HAS3: variants seen among roughly 807,000 people sequenced by gnomAD.
HAS3 encodes the protein hyaluronan synthase 3, also known as HA synthase 3.
A neutral mutation model predicts 50.3 loss-of-function variants in HAS3; 27 were observed. That is an observed-to-expected ratio of 0.54 (90% CI 0.40 to 0.74). The LOEUF (loss-of-function observed/expected upper bound fraction) is 0.74. HAS3 is among the 30% of genes least tolerant of loss of function. The probability of loss-of-function intolerance (pLI) is 0.00; values close to 1 mark genes in which losing one functional copy is unlikely to be tolerated. For missense variants in HAS3, 517 were observed against 742.8 expected (o/e 0.70, Z 3.53); for synonymous variants, 339 against 310.9 (o/e 1.09, Z -0.95).
the HAS3 span, among the ~76,000 whole-genome samples, chr16:69,092,654 G>C: frequency 6.7e-6 from 1 of 149,986 alleles, no homozygotes; most frequent in African/African-American, 2.5e-5. Context: ...GAACACCTAT[G>C]TCAACTTAAG....
At position 69,107,603 on chromosome 16, in the gene HAS3, G is replaced by A; in HGVS notation, c.1-1793G>A. 1 of 985,466 alleles carries A rather than the reference G, an allele frequency of 1.0e-6. No individual in the cohort carries two copies. Among genetic ancestry groups the A allele is most frequent in the Non-Finnish European group, 1.2e-6 (1 of 829,932 alleles). 61.0% of individuals were successfully genotyped at this position (985,466 alleles called of 1,614,324 possible). On this transcript the variant is annotated intron_variant, in intron 1 of 3. Coordinates refer to ENST00000569188, the MANE Select transcript of HAS3 (RefSeq NM_001199280.2). This position sits in a 1 kb window ranked among gnomAD's most constrained non-coding sequence, Gnocchi z 5.5. Reference sequence around the variant, plus strand: ...CTCCGGCACTGCACCGAGGCGGGGCGCCAGCGCCCAGGTTGCTGGGCTGGC... The same window carrying A: ...CTCCGGCACTGCACCGAGGCGGGGCACCAGCGCCCAGGTTGCTGGGCTGGC...
At chr16:69,104,353 G>C (rs1048522464), upstream of HAS3, among the ~76,000 whole-genome samples, 1 of 149,660 alleles carries the variant, frequency 6.7e-6, no homozygotes, top group Non-Finnish European at 1.5e-5. Context: ...CTGGAGTACA[G>C]TGGCATAATC....
intron 3 of HAS3, among the ~76,000 whole-genome samples, chr16:69,113,843 A>G (rs1961091369): frequency 6.6e-6 from 1 of 152,166 alleles, no homozygotes; most frequent in South Asian, 2.1e-4. Flanking sequence ...GTGGTACAGC[A>G]AGTAGCTCCA....
In HAS3 at chr16:69,114,716, G is replaced by C; in HGVS notation, c.1112G>C (p.Trp371Ser). 3 of 1,614,126 alleles carry C rather than the reference G, an allele frequency of 1.9e-6. No individual in the cohort carries two copies. The highest frequency in any genetic ancestry group is 2.5e-6 in the Non-Finnish European group (3 of 1,180,028). Residue 371 changes from tryptophan to serine, a missense_variant, in exon 4 of 4, where the codon TGG (tryptophan) becomes TCG (serine). Transcript: ENST00000569188. The surrounding 1 kb of genome is among the most constrained non-coding windows in gnomAD (Gnocchi z 6.4). ...CGGGAGTGGCTCTACAACTCTCTGT[G>C]GTTCCATAAGCACCACCTCTGGATG... ...YFREWLYNSLWFHKHHLWMTY... is the reference protein window; with the variant it reads ...YFREWLYNSLSFHKHHLWMTY...
At chr16:69,103,002 CAT>C (rs1491174051), upstream of HAS3, among the ~76,000 whole-genome samples, 1,391 of 115,158 alleles carry the variant, frequency 0.012, 28 homozygotes, top group African/African-American at 0.045. Context: ...GTGGAGTGTG[CAT>C]GTGTGTGTGT....
rs973521337 is a variant in HAS3 at position 69,107,430 on chromosome 16, C to T, written c.-1+1643C>T. 2 of 985,424 alleles carry T rather than the reference C, an allele frequency of 2.0e-6. No individual in the cohort carries two copies. The highest frequency in any genetic ancestry group is 1.1e-4 in the East Asian group (1 of 8,820). The allele number at this position is 985,424 out of a possible 1,614,324, so 61.0% of individuals were successfully genotyped here. On this transcript the variant is annotated intron_variant, in intron 1 of 3. Coordinates refer to ENST00000569188, the MANE Select transcript of HAS3 (RefSeq NM_001199280.2). The surrounding 1 kb of genome is among the most constrained non-coding windows in gnomAD (Gnocchi z 5.5). The stretch of plus-strand genomic sequence containing the variant: ...AGCAGGGCCTGGTCCGACTGGGATC[C>T]CTTGGGTTTTCCGTTCCTTCCCGGT...
chr16:69,102,633 C>A (rs1597089484), upstream of HAS3, among the ~76,000 whole-genome samples: 1 of 152,330 alleles, frequency 6.6e-6, no homozygotes, highest in East Asian at 1.9e-4. Flanking sequence ...TTGGTACAGG[C>A]AGGGTGTTTG....
At position 69,114,669 on chromosome 16, in the gene HAS3, C is replaced by G; in HGVS notation, c.1065C>G (p.Thr355=). Residue 355 remains threonine, a synonymous_variant, in exon 4 of 4, where the codon ACC becomes ACG. Coordinates refer to ENST00000569188, the MANE Select transcript of HAS3 (RefSeq NM_001199280.2). This position sits in a 1 kb window ranked among gnomAD's most constrained non-coding sequence, Gnocchi z 6.4. ...TKYLRWLNQQ[T]RWSKSYFREW... The stretch of plus-strand genomic sequence containing the variant: ...ACCTCCGGTGGCTCAACCAGCAAAC[C>G]CGCTGGAGCAAGTCTTACTTCCGGG... 6.2e-7 allele frequency: 1 copy of G among 1,614,124 alleles called. No individual in the cohort carries two copies. Among genetic ancestry groups the G allele is most frequent in the Non-Finnish European group, 8.5e-7 (1 of 1,180,006 alleles).
the HAS3 span, chr16:69,083,716 C>T: frequency 1.3e-6 from 2 of 1,511,392 alleles, no homozygotes; most frequent in East Asian, 2.5e-5. Context: ...CAGAGCCGTG[C>T]CCAGGTCTTC....
chr16:69,110,215 G>A (rs1474102374), intron 2 of HAS3, among the ~76,000 whole-genome samples, 184 bp downstream of exon 2: 1 of 152,206 alleles, frequency 6.6e-6, no homozygotes, highest in African/African-American at 2.4e-5. Flanking sequence ...ACTTTGGGGG[G>A]CCGAGGCGGG....
At position 69,116,633 on chromosome 16, in the gene HAS3, G is replaced by T. The variant is rs76394256; in HGVS notation, c.*1367G>T. 147 of 985,196 alleles carry T rather than the reference G, an allele frequency of 1.5e-4. No homozygotes were observed. Among genetic ancestry groups the T allele is most frequent in the Non-Finnish European group, 1.7e-4 (143 of 829,792 alleles). 61.0% of individuals were successfully genotyped at this position (985,196 alleles called of 1,614,324 possible). On this transcript the variant is annotated 3_prime_UTR_variant, in exon 4 of 4. Transcript: ENST00000569188. ...GAAACCAAACTAGGAGATGAAACTG[G>T]TTCCTACATCCTAAGGTTCTTGCTT...
chr16:69,106,205 T>A lies in HAS3; in HGVS notation c.-1+418T>A, dbSNP rs997678435. 6.6e-6 allele frequency: 1 copy of A among 152,358 alleles called. No homozygotes were observed. The highest frequency in any genetic ancestry group is 1.5e-5 in the Non-Finnish European group (1 of 68,434). The allele number at this position is 152,358 out of a possible 1,614,324, so 9.4% of individuals were successfully genotyped here. A position where few individuals can be genotyped will look rare whatever the true frequency, so the allele number is the denominator to read the frequency against. On this transcript the variant is annotated intron_variant, in intron 1 of 3. Transcript: ENST00000569188. The surrounding 1 kb of genome is among the most constrained non-coding windows in gnomAD (Gnocchi z 5.5). ...CACGCGCCGGGTACTTAAGGGCGGCTCGGCTGGGCAGGCGGCAGTCGGAGC... is the reference window on the plus strand; with the variant it reads ...CACGCGCCGGGTACTTAAGGGCGGCACGGCTGGGCAGGCGGCAGTCGGAGC...
At chr16:69,110,627 G>A (rs956797682) in intron 2 of HAS3, among the ~76,000 whole-genome samples, 8 of 152,156 alleles carry the variant, frequency 5.3e-5, no homozygotes, top group Admixed American at 3.9e-4. Context: ...CCAGGGAGAA[G>A]TGCTATTATC....
chr16:69,093,227 T>C, the HAS3 span, among the ~76,000 whole-genome samples: 2 of 152,246 alleles, frequency 1.3e-5, no homozygotes, highest in East Asian at 1.9e-4. Context: ...TTTTGTTTTG[T>C]TTTTTGAGAC....
chr16:69,098,418 T>G, the HAS3 span, among the ~76,000 whole-genome samples: 6 of 151,994 alleles, frequency 3.9e-5, no homozygotes, highest in Non-Finnish European at 8.8e-5. Context: ...TCTTCATTTT[T>G]TTTTTTACAA....
the HAS3 span, among the ~76,000 whole-genome samples, chr16:69,093,523 CTTTTTTTTTTTT>C: frequency 1.1e-5 from 1 of 87,436 alleles, no homozygotes; most frequent in African/African-American, 4.7e-5. Flanking sequence ...TACAGTGTAT[CTTTTTTTTTTTT>C]TTTTTTTTTT....
At chr16:69,097,447 CAA>C in the HAS3 span, among the ~76,000 whole-genome samples, 15 of 138,144 alleles carry the variant, frequency 1.1e-4, no homozygotes, top group Admixed American at 1.5e-4. Context: ...ACTCTTTCTC[CAA>C]AAAAAAAAAA....
Position 69,110,047 on chromosome 16 carries a change from T to A in HAS3, c.636+16T>A. ...CTACATCCAGGTAAGGGCGCCTCCC[T>A]AGGAGCGTGTGTACATGGGGATAAG... On this transcript the variant is annotated intron_variant, in intron 2 of 3. Transcript: ENST00000569188. 1 of 1,588,772 alleles carries A rather than the reference T, an allele frequency of 6.3e-7. No individual in the cohort carries two copies. Among genetic ancestry groups the A allele is most frequent in the South Asian group, 1.1e-5 (1 of 87,750 alleles).
In HAS3 at chr16:69,113,452, T is replaced by TA; in HGVS notation, c.648_649insA (p.Asp217ArgfsTer68). 6.2e-7 allele frequency: 1 copy of TA among 1,613,228 alleles called. No homozygotes were observed. Among genetic ancestry groups the TA allele is most frequent in the Non-Finnish European group, 8.5e-7 (1 of 1,179,298 alleles). On this transcript the variant is annotated frameshift_variant, in exon 3 of 4. Transcript: ENST00000569188. LOFTEE classifies it high-confidence loss of function. ...CACTCCCTCTGCAGGTGTGCGACTC[T>TA]GACACTGTGCTGGATCCAGCCTGCA...
Sources: allele counts gnomAD v4.1 joint callset (sites outside exome capture counted in the v4.1 genomes callset), GRCh38; gene constraint gnomAD v4.1.1; non-coding constraint Gnocchi (gnomAD v3.1); transcripts MANE v1.5; gene names NCBI Gene and HGNC (gene_info 2026-07-23, HGNC 2026-07-21).